The following METTL15 variants were observed in gnomAD, a reference collection of about 807,000 sequenced individuals.
METTL15 encodes the protein methyltransferase 15, mitochondrial 12S rRNA N4-cytidine, also known as 12S rRNA N(4)-cytidine methyltransferase METTL15.
METTL15 carries 34 observed loss-of-function variants against 38.3 expected under a neutral mutation model. The observed-to-expected ratio is 0.89, with a 90% CI of 0.68 to 1.18. METTL15 has a LOEUF of 1.18. METTL15 is among the 50% of genes most tolerant of loss of function. METTL15 has a pLI of 0.00. For missense variants in METTL15, 438 were observed against 498.4 expected (o/e 0.88, Z 1.15); for synonymous variants, 162 against 170.9 (o/e 0.95, Z 0.41).
chr11:28,235,048 T>C (rs562265772), intron 4 of METTL15, among the ~76,000 whole-genome samples: 176 of 152,288 alleles, frequency 1.2e-3, no homozygotes, highest in African/African-American at 4.0e-3. Context: ...CCCAGCACCA[T>C]TTATTAAATA....
rs140562690 is a variant in METTL15 at position 28,173,436 on chromosome 11, T to C, written c.271-37626T>C. On this transcript the variant is annotated intron_variant, in intron 3 of 6. Coordinates refer to ENST00000407364, the MANE Select transcript of METTL15 (RefSeq NM_001113528.2). ...CCAGACATCAAATCTGCTGGAGCCT[T>C]GATCTTAGATTTCACAGCCTCCAGA... Among the ~76,000 whole-genome samples, 10 of 152,308 alleles carry C rather than the reference T, an allele frequency of 6.6e-5. No homozygotes were observed. The East Asian group carries it at 1.9e-3, about 29-fold the overall frequency.
chr11:28,175,844 C>T (rs1292474911), intron 3 of METTL15, among the ~76,000 whole-genome samples: 1 of 152,028 alleles, frequency 6.6e-6, no homozygotes, highest in Non-Finnish European at 1.5e-5. Flanking sequence ...GCTCTTCATG[C>T]ACAAGACAAA....
intron 6 of METTL15, among the ~76,000 whole-genome samples, chr11:28,502,456 T>C (rs746741733): frequency 5.9e-5 from 9 of 152,194 alleles, no homozygotes; most frequent in Non-Finnish European, 1.0e-4. Context: ...CATGGTGGGC[T>C]TTTAGGTCCT....
intron 4 of METTL15, among the ~76,000 whole-genome samples, chr11:28,252,959 GTTTCCCTCAT>G (rs1854808655): frequency 6.6e-6 from 1 of 151,986 alleles, no homozygotes; most frequent in African/African-American, 2.4e-5. Context: ...AGAGTCACTG[GTTTCCCTCAT>G]TCACTCTGCC....
chr11:28,197,067 T>C (rs530148988), intron 3 of METTL15, among the ~76,000 whole-genome samples: 2 of 151,586 alleles, frequency 1.3e-5, no homozygotes, highest in African/African-American at 2.4e-5. Context: ...TGTTAAGCTG[T>C]TTTTTTTCAA....
intron 4 of METTL15, among the ~76,000 whole-genome samples, chr11:28,352,992 C>G (rs189389416): frequency 1.2e-4 from 19 of 152,202 alleles, no homozygotes; most frequent in Admixed American, 1.2e-3. Context: ...TTTTGTCAGG[C>G]ATCAGTAGGG....
intron 5 of METTL15, among the ~76,000 whole-genome samples, chr11:28,409,803 AAATAGAAAAAT>A (rs1409158142): frequency 3.3e-5 from 5 of 152,120 alleles, no homozygotes; most frequent in African/African-American, 4.8e-5. Flanking sequence ...AATAAATAGA[AAATAGAAAAAT>A]AATAGAAAAC....
intron 6 of METTL15, among the ~76,000 whole-genome samples, chr11:28,451,971 C>T (rs1851127027): frequency 6.6e-6 from 1 of 152,334 alleles, no homozygotes; most frequent in South Asian, 2.1e-4. Context: ...TGGCTTCAGC[C>T]AGCCCTCTAA....
At chr11:28,530,791 A>G (rs144485743), downstream of METTL15, among the ~76,000 whole-genome samples, 1,011 of 152,196 alleles carry the variant, frequency 6.6e-3, 10 homozygotes, top group African/African-American at 0.023. Flanking sequence ...AGTTATTTTA[A>G]AAATAGGCCC....
At chr11:28,165,033 AGGCTGAAT>A (rs910077123) in intron 3 of METTL15, among the ~76,000 whole-genome samples, 3 of 152,228 alleles carry the variant, frequency 2.0e-5, no homozygotes, top group African/African-American at 7.2e-5. Context: ...TCTTTTTAAA[AGGCTGAAT>A]ATTTTTCCAT....
intron 6 of METTL15, among the ~76,000 whole-genome samples, chr11:28,464,935 A>T (rs188596965): frequency 4.6e-5 from 7 of 152,244 alleles, no homozygotes; most frequent in African/African-American, 1.7e-4. Context: ...AACACAAAAG[A>T]GATGCCCCTT....
intron 6 of METTL15, among the ~76,000 whole-genome samples, chr11:28,445,638 A>G (rs1197504674): frequency 1.3e-5 from 2 of 152,058 alleles, no homozygotes; most frequent in African/African-American, 2.4e-5. Context: ...TTTGAAGATT[A>G]TAAACCAGTT....
intron 4 of METTL15, among the ~76,000 whole-genome samples, chr11:28,285,827 T>G (rs1354979689): frequency 6.6e-6 from 1 of 152,104 alleles, no homozygotes; most frequent in Non-Finnish European, 1.5e-5. Context: ...AGTAGCTCGA[T>G]GGAAAAAAGA....
chr11:28,411,100 C>T (rs1850720382), intron 5 of METTL15, among the ~76,000 whole-genome samples: 1 of 151,776 alleles, frequency 6.6e-6, no homozygotes, highest in South Asian at 2.1e-4. Flanking sequence ...AGAAATTGAA[C>T]ACAAATAAAT....
intron 3 of METTL15, among the ~76,000 whole-genome samples, chr11:28,136,204 A>C (rs1271954780): frequency 2.0e-5 from 3 of 152,188 alleles, no homozygotes; most frequent in Non-Finnish European, 4.4e-5. Context: ...CTGTGTCCCC[A>C]CCCAAATTTT....
intron 4 of METTL15, among the ~76,000 whole-genome samples, chr11:28,227,345 T>C (rs1300729058): frequency 6.6e-6 from 1 of 151,910 alleles, no homozygotes; most frequent in Non-Finnish European, 1.5e-5. Flanking sequence ...TGATCATGGC[T>C]ATGAATGAGT....
intron 3 of METTL15, among the ~76,000 whole-genome samples, chr11:28,179,399 C>T (rs1470868785): frequency 1.3e-5 from 2 of 151,708 alleles, no homozygotes; most frequent in Admixed American, 6.6e-5. Context: ...TGAATACCCT[C>T]TTGTAATTAC....
At position 28,124,971 on chromosome 11, in the gene METTL15, TA is replaced by T. The variant is rs750704932; in HGVS notation, c.270+11371del. Among the ~76,000 whole-genome samples the T allele has an allele frequency of 3.0e-4, 45 of 152,216 alleles. 2 individuals are homozygous for T. The highest frequency in any genetic ancestry group is 2.6e-3 in the Admixed American group (39 of 15,262). On this transcript the variant is annotated intron_variant, in intron 3 of 6. Coordinates refer to ENST00000407364, the MANE Select transcript of METTL15 (RefSeq NM_001113528.2). ...AGAAAAACTTGATTTTTCTCCAATT[TA>T]AAATTACCGAAATAGTGAACTACTT...
chr11:28,148,967 A>T (rs1207037138), intron 3 of METTL15, among the ~76,000 whole-genome samples: 1 of 151,972 alleles, frequency 6.6e-6, no homozygotes, highest in Non-Finnish European at 1.5e-5. Context: ...TACTGCGTTA[A>T]AAGGATGGGA....
Sources: gnomAD v4.1 joint callset for allele counts (sites outside exome capture counted in the v4.1 genomes callset) on GRCh38, gnomAD v4.1.1 for gene constraint, MANE v1.5 for transcripts, NCBI Gene and HGNC (gene_info 2026-07-23, HGNC 2026-07-21) for gene names.